The following LEFTY2 variants were observed in gnomAD, a reference collection of about 807,000 sequenced individuals.
The protein encoded by LEFTY2 is left-right determination factor 2.
Under a neutral mutation model 26.4 loss-of-function variants are expected in LEFTY2, and 10 were observed. The ratio of observed to expected loss-of-function variants is 0.38; its 90% CI spans 0.23 to 0.64. The LOEUF (loss-of-function observed/expected upper bound fraction) is 0.64. Among genes scored for constraint, LEFTY2 ranks in the 30% least tolerant of loss-of-function variants. The pLI, the probability that LEFTY2 is intolerant of heterozygous loss-of-function variation, is 0.56. For synonymous variants in LEFTY2, 204 were observed against 234.1 expected, an observed-to-expected ratio of 0.87 and a Z score of 1.17; for missense variants, 407 against 502.1, an observed-to-expected ratio of 0.81 and a Z score of 1.81.
chr1:225,940,609 C>G (rs1672296037), intron 1 of LEFTY2, among the ~76,000 whole-genome samples: 1 of 152,210 alleles, frequency 6.6e-6, no homozygotes, highest in Non-Finnish European at 1.5e-5. Context: ...ACCTGCTCCC[C>G]CAGCTCTACT....
At position 225,937,346 on chromosome 1, in the gene LEFTY2, G is replaced by A. The variant is rs1016863943; in HGVS notation, c.*95C>T. On this transcript the variant is annotated 3_prime_UTR_variant, in exon 4 of 4. Transcript: ENST00000366820. ...AGGTCACACAGGAGCACTAAATTGGGATGGAGTAACTTGCTAAGTATAAAG... is the reference window on the plus strand; with the variant it reads ...AGGTCACACAGGAGCACTAAATTGGAATGGAGTAACTTGCTAAGTATAAAG... The A allele has an allele frequency of 6.3e-6, 10 of 1,591,856 alleles. No individual in the cohort carries two copies. The highest frequency in any genetic ancestry group is 8.6e-6 in the Non-Finnish European group (10 of 1,169,212).
At position 225,937,244 on chromosome 1, in the gene LEFTY2, G is replaced by C; in HGVS notation, c.*197C>G. Reference sequence around the variant, plus strand: ...TTTCCTACTAGAGCTCAGCATCTGAGCTGCATTATTTACTCACGTAAGTGC... The same window carrying C: ...TTTCCTACTAGAGCTCAGCATCTGACCTGCATTATTTACTCACGTAAGTGC... On this transcript the variant is annotated 3_prime_UTR_variant, in exon 4 of 4. Coordinates refer to ENST00000366820, the MANE Select transcript of LEFTY2 (RefSeq NM_003240.5). 1.3e-6 allele frequency: 1 copy of C among 742,232 alleles called. No individual in the cohort carries two copies. Among genetic ancestry groups the C allele is most frequent in the Non-Finnish European group, 2.2e-6 (1 of 451,996 alleles). The allele number at this position is 742,232 out of a possible 1,614,324, so 46.0% of individuals were successfully genotyped here.
At chr1:225,938,219 T>C (rs1445652781) in intron 3 of LEFTY2, among the ~76,000 whole-genome samples, 2 of 152,182 alleles carry the variant, frequency 1.3e-5, no homozygotes, top group Non-Finnish European at 2.9e-5. Context: ...TCTTAACCAC[T>C]GTGCTACACA....
rs1054085738 is a variant in LEFTY2, at chr1:225,937,211, T to C, written c.*230A>G. ...GCTCAGCTGTATCTTGTAATCAGCA[T>C]GCCAGCATTTCCTACTAGAGCTCAG... On this transcript the variant is annotated 3_prime_UTR_variant, in exon 4 of 4. Transcript: ENST00000366820. 8 of 636,102 alleles carry C rather than the reference T, an allele frequency of 1.3e-5. No homozygotes were observed. Among genetic ancestry groups the C allele is most frequent in the Middle Eastern group, 4.2e-4 (1 of 2,362 alleles). 39.4% of individuals were successfully genotyped at this position (636,102 alleles called of 1,614,324 possible). A position where few individuals can be genotyped will look rare whatever the true frequency, so the allele number is the denominator to read the frequency against.
At position 225,939,399 on chromosome 1, in the gene LEFTY2, G is replaced by A. The variant is rs758918698; in HGVS notation, c.699C>T (p.Pro233=). 5 of 1,613,440 alleles carry A rather than the reference G, an allele frequency of 3.1e-6. No individual in the cohort carries two copies. Among genetic ancestry groups the A allele is most frequent in the Non-Finnish European group, 4.2e-6 (5 of 1,179,816 alleles). The part of the protein sequence containing the change: ...SQGAPAGLGE[P]QLELHTLDLR... ...GGTCCAGGGTGTGCAGCTCCAGCTGGGGCTCCCCAAGCCCGGCTGGCGCCC... is the reference window on the plus strand; with the variant it reads ...GGTCCAGGGTGTGCAGCTCCAGCTGAGGCTCCCCAAGCCCGGCTGGCGCCC... The change falls in exon 3 of 4, where the codon CCC becomes CCT. Residue 233 remains proline, a synonymous_variant. Transcript: ENST00000366820. The surrounding 1 kb of genome is among the most constrained non-coding windows in gnomAD (Gnocchi z 4.1).
chr1:225,939,711 C>A lies in LEFTY2; in HGVS notation c.497+45G>T. 1.2e-6 allele frequency: 2 copies of A among 1,607,016 alleles called. No homozygotes were observed. The highest frequency in any genetic ancestry group is 2.2e-5 in the East Asian group (1 of 44,738). The stretch of plus-strand genomic sequence containing the variant: ...CTGCGTCCCCGCCCCCAAGCCGGGC[C>A]GAGCAGCCTCCTACTCCTGCCCTGC... On this transcript the variant is annotated intron_variant, in intron 2 of 3. Transcript: ENST00000366820. This position sits in a 1 kb window ranked among gnomAD's most constrained non-coding sequence, Gnocchi z 4.1.
At chr1:225,940,796 C>A in intron 1 of LEFTY2, 95 bp downstream of exon 1, 1 of 1,582,152 alleles carries the variant, frequency 6.3e-7, no homozygotes, top group South Asian at 1.1e-5. Flanking sequence ...CCACAGAGTC[C>A]CAAAAGGCCA....
In LEFTY2 at chr1:225,939,293, G is replaced by A. The variant is rs988712334; in HGVS notation, c.737+68C>T. 3 of 1,605,148 alleles carry A rather than the reference G, an allele frequency of 1.9e-6. No homozygotes were observed. The highest frequency in any genetic ancestry group is 2.7e-5 in the African/African-American group (2 of 74,616). Reference sequence around the variant, plus strand: ...CCGCCACCATCCGGTCCCCCAGACAGTCCTGGGGACGGGGGTCTGGACCAC... The same window carrying A: ...CCGCCACCATCCGGTCCCCCAGACAATCCTGGGGACGGGGGTCTGGACCAC... On this transcript the variant is annotated intron_variant, in intron 3 of 3. Transcript: ENST00000366820. The surrounding 1 kb of genome is among the most constrained non-coding windows in gnomAD (Gnocchi z 4.1).
Position 225,937,471 on chromosome 1 carries a change from C to A in LEFTY2, c.1071G>T (p.Gly357=), listed in dbSNP as rs778447375. The change falls in exon 4 of 4, where the codon GGG becomes GGT. Residue 357 remains glycine (G), a synonymous_variant. Transcript: ENST00000366820. ...RVQKCSCASD[G]ALVPRRLQP The stretch of plus-strand genomic sequence containing the variant: ...GCTGGAGCCTCCTTGGCACGAGCGC[C>A]CCATCCGAGGCACAGCTGCACTTCT... 63 of 1,614,052 alleles carry A rather than the reference C, an allele frequency of 3.9e-5. 1 individual carries two copies. Among genetic ancestry groups the A allele is most frequent in the Middle Eastern group, 3.3e-4 (2 of 5,992 alleles).
In LEFTY2 at chr1:225,937,552, G is replaced by A. The variant is rs187585547; in HGVS notation, c.990C>T (p.Ile330=). The A allele has an allele frequency of 2.5e-6, 4 of 1,614,046 alleles. No homozygotes were observed. The highest frequency in any genetic ancestry group is 2.2e-5 in the East Asian group (1 of 44,888). ...ETASLPMIVS[I]KEGGRTRPQV... is the part of the protein sequence containing the mutation. ...GGGGCCTGGTCCTGCCTCCCTCCTT[G>A]ATGCTGACGATCATGGGCAGCGAGG... The change falls in exon 4 of 4, where the codon ATC becomes ATT. Residue 330 remains isoleucine, a synonymous_variant. Transcript: ENST00000366820.
At chr1:225,938,899 G>C (rs1292614767) in intron 3 of LEFTY2, among the ~76,000 whole-genome samples, 3 of 114,774 alleles carry the variant, frequency 2.6e-5, no homozygotes, top group Admixed American at 2.4e-4. Flanking sequence ...ACAGAATCAC[G>C]CTCTGTCCTC....
Position 225,937,022 on chromosome 1 carries a change from A to G in LEFTY2, c.*419T>C, listed in dbSNP as rs1422546485. On this transcript the variant is annotated 3_prime_UTR_variant, in exon 4 of 4. Transcript: ENST00000366820. ...CTAGGTATGTTTACAAAAGTCCAGAATGGGTCAGTATTTGGGGGAAATAGA... is the reference window on the plus strand; with the variant it reads ...CTAGGTATGTTTACAAAAGTCCAGAGTGGGTCAGTATTTGGGGGAAATAGA... 1 of 274,840 alleles carries G rather than the reference A, an allele frequency of 3.6e-6. No individual in the cohort carries two copies. Among genetic ancestry groups the G allele is most frequent in the African/African-American group, 2.2e-5 (1 of 44,584 alleles). 17.0% of individuals were successfully genotyped at this position (274,840 alleles called of 1,614,324 possible).
At position 225,937,105 on chromosome 1, in the gene LEFTY2, C is replaced by G. The variant is rs951693716; in HGVS notation, c.*336G>C. ...GCAATTCAGTTCTGTTTCCCCAGTT[C>G]TAATCATAGGGTATTATTGTTCCAG... On this transcript the variant is annotated 3_prime_UTR_variant, in exon 4 of 4. Transcript: ENST00000366820. 2.9e-5 allele frequency: 13 copies of G among 443,446 alleles called. No homozygotes were observed. Among genetic ancestry groups the G allele is most frequent in the South Asian group, 2.7e-4 (12 of 44,524 alleles). The allele number at this position is 443,446 out of a possible 1,614,324, so 27.5% of individuals were successfully genotyped here. A position where few individuals can be genotyped will look rare whatever the true frequency, so the allele number is the denominator to read the frequency against.
chr1:225,940,775 C>T lies in LEFTY2; in HGVS notation c.250+116G>A. The T allele has an allele frequency of 2.6e-6, 4 of 1,511,838 alleles. No individual in the cohort carries two copies. The South Asian group carries it at 4.9e-5, about 18-fold the overall frequency. 93.7% of individuals were successfully genotyped at this position (1,511,838 alleles called of 1,614,324 possible). On this transcript the variant is annotated intron_variant, in intron 1 of 3. Transcript: ENST00000366820. ...TCACTGCTCCTTGGACCGTGGCCCTCACACAGCCTCCCACAGAGTCCCAAA... is the reference window on the plus strand; with the variant it reads ...TCACTGCTCCTTGGACCGTGGCCCTTACACAGCCTCCCACAGAGTCCCAAA...
intron 3 of LEFTY2, among the ~76,000 whole-genome samples, chr1:225,938,866 CTTTTT>C (rs34986398): frequency 3.5e-5 from 4 of 113,084 alleles, no homozygotes; most frequent in South Asian, 2.8e-4. Flanking sequence ...TCTTTGTTTC[CTTTTT>C]TTTTTTTTTT....
chr1:225,938,866 C>CTTTTTTTTTTTTTTTTTTTTTTTTTT (rs34986398), intron 3 of LEFTY2, among the ~76,000 whole-genome samples: 1 of 113,084 alleles, frequency 8.8e-6, no homozygotes, highest in Non-Finnish European at 1.7e-5. Flanking sequence ...TCTTTGTTTC[C>CTTTTTTTTTTTTTTTTTTTTTTTTTT]TTTTTTTTTT....
rs1278478901 is a variant in LEFTY2 at position 225,941,117 on chromosome 1, C to T, written c.24G>A (p.Trp8Ter). 2.5e-6 allele frequency: 4 copies of T among 1,575,138 alleles called. No individual in the cohort carries two copies. The highest frequency in any genetic ancestry group is 3.4e-6 in the Non-Finnish European group (4 of 1,162,348). MWPLWLC[W>*]ALWVLPLAGP... ...CAGCCAGGGGCAGCACCCAGAGTGC[C>T]CAGCAGAGCCACAGGGGCCACATGG... Residue 8 changes from tryptophan (W) to a stop codon, truncating the protein, a stop_gained, in exon 1 of 4, where the codon TGG becomes TGA. Coordinates refer to ENST00000366820, the MANE Select transcript of LEFTY2 (RefSeq NM_003240.5). LOFTEE classifies it high-confidence loss of function.
In LEFTY2 at chr1:225,939,666, C is replaced by A; in HGVS notation, c.498-66G>T. On this transcript the variant is annotated intron_variant, in intron 2 of 3. Transcript: ENST00000366820. The surrounding 1 kb of genome is among the most constrained non-coding windows in gnomAD (Gnocchi z 4.1). Reference sequence around the variant, plus strand: ...TGAGGGCGGGGACTGGGACGGGCCCCGAGGACCCTGCACCGCCCCCTGCGT... The same window carrying A: ...TGAGGGCGGGGACTGGGACGGGCCCAGAGGACCCTGCACCGCCCCCTGCGT... 1 of 1,611,744 alleles carries A rather than the reference C, an allele frequency of 6.2e-7. No individual in the cohort carries two copies. Among genetic ancestry groups the A allele is most frequent in the Non-Finnish European group, 8.5e-7 (1 of 1,179,652 alleles).
chr1:225,940,125 C>A, intron 1 of LEFTY2, 123 bp from the exon 2 acceptor site: 1 of 1,475,262 alleles, frequency 6.8e-7, no homozygotes, highest in Non-Finnish European at 9.2e-7. Flanking sequence ...CTGGGGCAAA[C>A]CCAGTTTACA....
Sources: gnomAD v4.1 joint callset for allele counts (sites outside exome capture counted in the v4.1 genomes callset) on GRCh38, gnomAD v4.1.1 for gene constraint, Gnocchi (gnomAD v3.1) non-coding constraint, MANE v1.5 for transcripts, NCBI Gene and HGNC (gene_info 2026-07-23, HGNC 2026-07-21) for gene names.